The following CARMIL1 variants were observed in gnomAD, a reference collection of about 807,000 sequenced individuals.
CARMIL1 encodes the protein capping protein regulator and myosin 1 linker 1, also known as F-actin-uncapping protein LRRC16A.
Under a neutral mutation model 177.1 loss-of-function variants are expected in CARMIL1, and 90 were observed. That is an observed-to-expected ratio of 0.51 (90% confidence interval 0.43 to 0.61). The LOEUF is 0.61. CARMIL1 is among the 20% of genes least tolerant of loss of function. The probability of loss-of-function intolerance (pLI) is 0.00; values close to 1 mark genes in which losing one functional copy is unlikely to be tolerated. For synonymous variants in CARMIL1, 577 were observed against 606.2 expected (o/e 0.95, Z 0.71); for missense variants, 1,380 against 1,667.0 (o/e 0.83, Z 3.00).
chr6:25,484,176 C>T (rs1420431921), intron 12 of CARMIL1, among the ~76,000 whole-genome samples: 1 of 152,204 alleles, frequency 6.6e-6, no homozygotes, highest in Non-Finnish European at 1.5e-5. Context: ...TCTATCTTAG[C>T]ATGTGTCCAT....
intron 2 of CARMIL1, among the ~76,000 whole-genome samples, chr6:25,369,255 G>A (rs898963070): frequency 1.3e-5 from 2 of 152,124 alleles, no homozygotes; most frequent in African/African-American, 4.8e-5. Flanking sequence ...GTTTTACCCC[G>A]TAGCATGGCC....
At chr6:25,419,516 C>CTG (rs1267512257) in intron 2 of CARMIL1, among the ~76,000 whole-genome samples, 1 of 152,162 alleles carries the variant, frequency 6.6e-6, no homozygotes, top group Non-Finnish European at 1.5e-5. Flanking sequence ...ACCCCACAGG[C>CTG]TGTATGTATG....
At chr6:25,429,058 G>A (rs988319209) in intron 4 of CARMIL1, among the ~76,000 whole-genome samples, 1 of 152,092 alleles carries the variant, frequency 6.6e-6, no homozygotes, top group African/African-American at 2.4e-5. Context: ...TCCTCCATTG[G>A]TGGAGCAATT....
intron 2 of CARMIL1, among the ~76,000 whole-genome samples, chr6:25,384,183 A>G (rs1467817414): frequency 6.6e-6 from 1 of 152,226 alleles, no homozygotes; most frequent in African/African-American, 2.4e-5. Flanking sequence ...TTCAAGAAAG[A>G]AAGCCCAATT....
chr6:25,587,943 G>A (rs559318756), intron 31 of CARMIL1, among the ~76,000 whole-genome samples: 1 of 152,170 alleles, frequency 6.6e-6, no homozygotes, highest in South Asian at 2.1e-4. Context: ...CACACATTCT[G>A]CATTTGAGAT....
At chr6:25,587,838 AAG>A (rs1482756126) in intron 31 of CARMIL1, among the ~76,000 whole-genome samples, 1 of 152,246 alleles carries the variant, frequency 6.6e-6, no homozygotes, top group Non-Finnish European at 1.5e-5. Context: ...TGGGTAATCT[AAG>A]AGTGGAAATG....
At chr6:25,333,463 G>A (rs1411036269) in intron 2 of CARMIL1, among the ~76,000 whole-genome samples, 1 of 152,288 alleles carries the variant, frequency 6.6e-6, no homozygotes, top group East Asian at 1.9e-4. Context: ...CTACTTGGGA[G>A]GCTGAGGCAG....
intron 20 of CARMIL1, among the ~76,000 whole-genome samples, chr6:25,512,674 C>T (rs1352912616): frequency 6.6e-6 from 1 of 152,036 alleles, no homozygotes; most frequent in Non-Finnish European, 1.5e-5. Context: ...CCTTATTCAC[C>T]CAGTATTATA....
intron 8 of CARMIL1, among the ~76,000 whole-genome samples, chr6:25,462,384 T>G (rs1402873007): frequency 6.6e-6 from 1 of 152,154 alleles, no homozygotes; most frequent in Non-Finnish European, 1.5e-5. Flanking sequence ...ACACATAGTA[T>G]TTTGTATTCC....
intron 13 of CARMIL1, among the ~76,000 whole-genome samples, chr6:25,490,782 GTTATT>G (rs1306389622): frequency 7.9e-5 from 12 of 152,028 alleles, no homozygotes; most frequent in Admixed American, 3.3e-4. Flanking sequence ...TGTGTGTATG[GTTATT>G]TTAAAGTGTT....
intron 2 of CARMIL1, among the ~76,000 whole-genome samples, chr6:25,344,980 T>C (rs1787348648): frequency 6.6e-6 from 1 of 152,212 alleles, no homozygotes; most frequent in Non-Finnish European, 1.5e-5. Context: ...GCCAGTTTCT[T>C]TTCTTGCTTT....
intron 26 of CARMIL1, among the ~76,000 whole-genome samples, chr6:25,547,999 G>A (rs952157775): frequency 6.6e-6 from 1 of 152,082 alleles, no homozygotes; most frequent in African/African-American, 2.4e-5. Context: ...AGGGGAAAAT[G>A]GAGGAATCTA....
intron 26 of CARMIL1, among the ~76,000 whole-genome samples, chr6:25,547,257 T>A (rs1809592191): frequency 6.6e-6 from 1 of 152,210 alleles, no homozygotes; most frequent in Non-Finnish European, 1.5e-5. Context: ...AATTTATCTG[T>A]TATTTGATAA....
intron 8 of CARMIL1, among the ~76,000 whole-genome samples, chr6:25,460,200 C>T (rs905647512): frequency 2.6e-5 from 4 of 152,190 alleles, no homozygotes; most frequent in Non-Finnish European, 4.4e-5. Flanking sequence ...TAGGGAGGCC[C>T]ATGCAAATGT....
At chr6:25,336,980 GCC>G (rs1233636822) in intron 2 of CARMIL1, among the ~76,000 whole-genome samples, 3 of 152,218 alleles carry the variant, frequency 2.0e-5, no homozygotes, top group Admixed American at 1.3e-4. Context: ...TGGCACAGTT[GCC>G]CTTTAAAAAG....
At chr6:25,360,347 T>C (rs1232655289) in intron 2 of CARMIL1, among the ~76,000 whole-genome samples, 1 of 152,188 alleles carries the variant, frequency 6.6e-6, no homozygotes, top group African/African-American at 2.4e-5. Context: ...GAGAACATCT[T>C]GCAGTGAGGA....
intron 3 of CARMIL1, among the ~76,000 whole-genome samples, chr6:25,424,222 G>T (rs1348037806): frequency 6.6e-6 from 1 of 152,076 alleles, no homozygotes; most frequent in African/African-American, 2.4e-5. Context: ...CGATGCCTTT[G>T]CGAATTCTTT....
chr6:25,380,833 C>T (rs1007631365), intron 2 of CARMIL1, among the ~76,000 whole-genome samples: 3 of 151,032 alleles, frequency 2.0e-5, no homozygotes, highest in Non-Finnish European at 3.0e-5. Context: ...AGACTGTGTA[C>T]TCTTTTTTGC....
Position 25,606,292 on chromosome 6 carries a change from G to T in CARMIL1, c.3847+19G>T. 1 of 1,608,626 alleles carries T rather than the reference G, an allele frequency of 6.2e-7. No individual in the cohort carries two copies. The stretch of plus-strand genomic sequence containing the variant: ...CGGCCTGGTAAGAGTTTTGCAGTTA[G>T]GGAGTTGCATTGTGACCAGGTGGCT... On this transcript the variant is annotated intron_variant, in intron 35 of 36. Coordinates refer to ENST00000329474, the MANE Select transcript of CARMIL1 (RefSeq NM_017640.6).
Sources: gnomAD v4.1 joint callset for allele counts (sites outside exome capture counted in the v4.1 genomes callset) on GRCh38, gnomAD v4.1.1 for gene constraint, MANE v1.5 for transcripts, NCBI Gene and HGNC (gene_info 2026-07-23, HGNC 2026-07-21) for gene names.